EXTL3: variants seen among roughly 807,000 people sequenced by gnomAD.
EXTL3 encodes exostosin-like 3.
A neutral mutation model predicts 69.3 loss-of-function variants in EXTL3; 27 were observed. That is an observed-to-expected ratio of 0.39 (90% CI 0.29 to 0.54). The LOEUF (loss-of-function observed/expected upper bound fraction) is 0.54, where lower values mean the gene tolerates loss of function less well. Ranked by LOEUF, EXTL3 falls within the 20% of genes least tolerant of loss-of-function variation. The pLI is 0.69. For synonymous variants in EXTL3, 511 were observed against 499.4 expected, an observed-to-expected ratio of 1.02 and a Z score of -0.31; for missense variants, 1,003 against 1,231.8, an observed-to-expected ratio of 0.81 and a Z score of 2.78.
chr8:28,682,929 T>G (rs891110119), intron 1 of EXTL3, among the ~76,000 whole-genome samples: 1 of 152,264 alleles, frequency 6.6e-6, no homozygotes, highest in Non-Finnish European at 1.5e-5. Flanking sequence ...TTTGAATTCA[T>G]TTTTGTATAT....
At chr8:28,661,076 G>A (rs866615485) in intron 1 of EXTL3, among the ~76,000 whole-genome samples, 5 of 151,392 alleles carry the variant, frequency 3.3e-5, no homozygotes, top group African/African-American at 1.2e-4. Flanking sequence ...ACCACGCCAG[G>A]CTAATTTTTT....
intron 2 of EXTL3, among the ~76,000 whole-genome samples, chr8:28,615,851 G>C (rs1271018295): frequency 6.6e-6 from 1 of 152,042 alleles, no homozygotes; most frequent in East Asian, 1.9e-4. Context: ...TGGGATTACA[G>C]GCTTTAGCCA....
At chr8:28,652,286 G>A (rs969842096) in intron 1 of EXTL3, among the ~76,000 whole-genome samples, 4 of 151,928 alleles carry the variant, frequency 2.6e-5, no homozygotes, top group African/African-American at 7.3e-5. Context: ...CAGTGGTTGC[G>A]TCGCTACATT....
intron 1 of EXTL3, among the ~76,000 whole-genome samples, chr8:28,667,742 T>G (rs1157922798): frequency 2.0e-5 from 3 of 149,030 alleles, no homozygotes; most frequent in Non-Finnish European, 4.5e-5. Context: ...GGGACAGCAT[T>G]AGGAGATATA....
At position 28,630,589 on chromosome 8, in the gene EXTL3, C is replaced by T. The variant is rs188266708; in HGVS notation, c.-53+7779C>T. On this transcript the variant is annotated intron_variant, in intron 1 of 6. Coordinates refer to the EXTL3 transcript ENST00000523149. ...AATTAACTAACCTACCAGAATGTTA[C>T]GTTTCCTCATCTGTAAAATGCAGTA... Among the ~76,000 whole-genome samples the T allele has an allele frequency of 2.9e-4, 44 of 152,344 alleles. No individual in the cohort carries two copies. The South Asian group carries it at 4.6e-3, about 16-fold the overall frequency.
intron 1 of EXTL3, among the ~76,000 whole-genome samples, chr8:28,668,776 T>C (rs1303229837): frequency 6.6e-6 from 1 of 151,948 alleles, no homozygotes; most frequent in Non-Finnish European, 1.5e-5. Flanking sequence ...TCATGGCTAG[T>C]GTACAAGTTT....
chr8:28,627,410 T>C (rs1234058103), intron 1 of EXTL3, among the ~76,000 whole-genome samples: 1 of 151,500 alleles, frequency 6.6e-6, no homozygotes, highest in African/African-American at 2.4e-5. Flanking sequence ...GGAGGATCAC[T>C]TGAGCTGAGG....
At chr8:28,681,986 G>A (rs919111101) in intron 1 of EXTL3, among the ~76,000 whole-genome samples, 3 of 152,228 alleles carry the variant, frequency 2.0e-5, no homozygotes, top group African/African-American at 4.8e-5. Flanking sequence ...TTGAACCCGG[G>A]AGGTGGAGGT....
intron 1 of EXTL3, among the ~76,000 whole-genome samples, chr8:28,708,426 CTT>C (rs71549693): frequency 2.9e-4 from 34 of 118,716 alleles, no homozygotes; most frequent in Non-Finnish European, 3.3e-4. Context: ...TGGGAAGTGC[CTT>C]TTTTTTTTTT....
chr8:28,711,545 G>C (rs890175413), intron 1 of EXTL3, among the ~76,000 whole-genome samples: 2 of 152,012 alleles, frequency 1.3e-5, no homozygotes, highest in African/African-American at 4.8e-5. Flanking sequence ...CTTTACAAAG[G>C]AGGAAATGAG....
At chr8:28,613,277 G>C (rs1054633518) in intron 2 of EXTL3, among the ~76,000 whole-genome samples, 1 of 152,062 alleles carries the variant, frequency 6.6e-6, no homozygotes, top group Non-Finnish European at 1.5e-5. Flanking sequence ...TCTGCCTCCT[G>C]GGTTCAAATG....
rs1338850954 is a variant in EXTL3 at position 28,716,251 on chromosome 8, T to A, written c.192T>A (p.Ile64=). ...LDEADEAGKR[I]FGPRVGNELC... ...AGGCTGATGAGGCAGGCAAGCGGAT[T>A]TTTGGTCCCCGGGTGGGGAACGAGC... The change falls in exon 3 of 7, where the codon ATT becomes ATA. Residue 64 remains isoleucine, a synonymous_variant. Transcript: ENST00000220562. The surrounding 1 kb of genome is among the most constrained non-coding windows in gnomAD (Gnocchi z 7.1). The A allele has an allele frequency of 3.7e-6, 6 of 1,614,032 alleles. No homozygotes were observed. In the Admixed American group the frequency reaches 8.3e-5, roughly 22 times the overall value.
chr8:28,637,310 A>G (rs1393159854), intron 1 of EXTL3: 1 of 152,164 alleles, frequency 6.6e-6, no homozygotes, highest in Non-Finnish European at 1.5e-5. Flanking sequence ...AGATTTTCAA[A>G]CACCGCATTC....
Position 28,716,721 on chromosome 8 carries a change from C to T in EXTL3, c.662C>T (p.Thr221Ile). ...DPLVKQAFQA[T>I]ARANVYVTEN... ...TTGGTCAAGCAGGCTTTTCAGGCGA[C>T]AGCACGAGCTAACGTTTATGTTACA... Residue 221 changes from threonine to isoleucine, a missense_variant, in exon 3 of 7, where the codon ACA becomes ATA. This residue lies in a region of EXTL3 where 742 missense variants were observed against 815.4 expected (regional missense o/e 0.91). Coordinates refer to ENST00000220562, the MANE Select transcript of EXTL3 (RefSeq NM_001440.4). This position sits in a 1 kb window ranked among gnomAD's most constrained non-coding sequence, Gnocchi z 7.1. 1 of 1,614,224 alleles carries T rather than the reference C, an allele frequency of 6.2e-7. No individual in the cohort carries two copies. Among genetic ancestry groups the T allele is most frequent in the Non-Finnish European group, 8.5e-7 (1 of 1,180,046 alleles).
intron 1 of EXTL3, among the ~76,000 whole-genome samples, chr8:28,678,725 C>T (rs967272068): frequency 1.3e-5 from 2 of 152,244 alleles, no homozygotes; most frequent in Non-Finnish European, 2.9e-5. Context: ...CAGATGCCAT[C>T]GCTTCAATAC....
chr8:28,614,998 C>T (rs1167998664), intron 2 of EXTL3, among the ~76,000 whole-genome samples: 2 of 150,836 alleles, frequency 1.3e-5, no homozygotes, highest in African/African-American at 4.9e-5. Flanking sequence ...TGATCCTCTC[C>T]CTCCTCCCAC....
chr8:28,696,470 A>C (rs970697546), intron 1 of EXTL3: 7 of 152,324 alleles, frequency 4.6e-5, no homozygotes, highest in Admixed American at 1.3e-4. Context: ...GCTTTTGTTT[A>C]ACATTGGGAG....
chr8:28,670,100 T>C (rs1389107646), intron 1 of EXTL3, among the ~76,000 whole-genome samples: 1 of 150,804 alleles, frequency 6.6e-6, no homozygotes, highest in Non-Finnish European at 1.5e-5. Context: ...TCCCAGCTAC[T>C]TGGGGAGCTG....
chr8:28,619,110 A>C (rs941511277), upstream of EXTL3, among the ~76,000 whole-genome samples: 20 of 148,950 alleles, frequency 1.3e-4, no homozygotes, highest in Middle Eastern at 0.01. Flanking sequence ...AAAAAAAAAA[A>C]AAAAAACAGC....
Sources: gnomAD v4.1 joint callset for allele counts (sites outside exome capture counted in the v4.1 genomes callset) on GRCh38, gnomAD v4.1.1 for gene constraint, gnomAD v4.1.1 regional missense constraint, Gnocchi (gnomAD v3.1) non-coding constraint, MANE v1.5 for transcripts, NCBI Gene and HGNC (gene_info 2026-07-23, HGNC 2026-07-21) for gene names.